The following GRID2 variants were observed in gnomAD, a reference collection of about 807,000 sequenced individuals.
GRID2 encodes the protein glutamate ionotropic receptor delta type subunit 2.
GRID2 carries 33 observed loss-of-function variants against 114.8 expected under a neutral mutation model. That is an observed-to-expected ratio of 0.29 (90% CI 0.22 to 0.38). The LOEUF is 0.38. Ranked by LOEUF, GRID2 falls within the 10% of genes least tolerant of loss-of-function variation. GRID2 has a pLI of 1.00. For synonymous variants in GRID2, 505 were observed against 449.9 expected (o/e 1.12, Z -1.55); for missense variants, 1,184 against 1,257.7 (o/e 0.94, Z 0.89).
downstream of GRID2, among the ~76,000 whole-genome samples, chr4:93,774,900 A>C (rs1734331182): frequency 6.6e-6 from 1 of 152,146 alleles, no homozygotes; most frequent in South Asian, 2.1e-4. Context: ...AGGGTGTGTT[A>C]CATCAAAAAA....
chr4:93,761,213 A>T (rs942019362), intron 14 of GRID2, among the ~76,000 whole-genome samples: 15 of 152,182 alleles, frequency 9.9e-5, no homozygotes, highest in Admixed American at 9.8e-4. Context: ...TTAATACACT[A>T]TTGAAAGAGC....
chr4:93,484,342 T>C (rs1238691031), intron 11 of GRID2, among the ~76,000 whole-genome samples: 1 of 151,946 alleles, frequency 6.6e-6, no homozygotes, highest in Non-Finnish European at 1.5e-5. Context: ...TGAACAATTA[T>C]TATACAGTGT....
intron 1 of GRID2, among the ~76,000 whole-genome samples, chr4:92,503,101 G>A (rs1369051132): frequency 6.6e-6 from 1 of 152,056 alleles, no homozygotes; most frequent in East Asian, 1.9e-4. Context: ...ACAGTTTTAT[G>A]TAAACGCTTT....
At chr4:92,865,112 G>T (rs751724840) in intron 2 of GRID2, among the ~76,000 whole-genome samples, 11 of 152,128 alleles carry the variant, frequency 7.2e-5, no homozygotes, top group Admixed American at 2.6e-4. Context: ...GAGGTTTGAG[G>T]TTCCCTGACA....
intron 14 of GRID2, among the ~76,000 whole-genome samples, chr4:93,635,310 C>T (rs1403836793): frequency 6.6e-6 from 1 of 150,724 alleles, no homozygotes; most frequent in African/African-American, 2.4e-5. Flanking sequence ...GAAAGGAGAA[C>T]ATTTGAAGAG....
chr4:93,769,540 G>C (rs1358464506), intron 15 of GRID2, 90 bp downstream of exon 15: 1 of 1,244,614 alleles, frequency 8.0e-7, no homozygotes, highest in East Asian at 2.3e-5. Flanking sequence ...AATGGGTTGG[G>C]GGTGGTCCTT....
intron 1 of GRID2, among the ~76,000 whole-genome samples, chr4:92,338,195 T>C (rs995118092): frequency 2.0e-5 from 3 of 152,142 alleles, no homozygotes; most frequent in African/African-American, 7.2e-5. Flanking sequence ...GCTGAGCATG[T>C]TTTAGAGAAA....
intron 2 of GRID2, among the ~76,000 whole-genome samples, chr4:92,637,912 T>C (rs1337174088): frequency 6.6e-6 from 1 of 151,880 alleles, no homozygotes; most frequent in African/African-American, 2.4e-5. Context: ...CCAGCTAGGG[T>C]AATGTGGGGA....
chr4:93,258,400 T>G (rs2149544301), intron 8 of GRID2, among the ~76,000 whole-genome samples: 1 of 151,762 alleles, frequency 6.6e-6, no homozygotes, highest in South Asian at 2.1e-4. Context: ...CCCAAAAAGC[T>G]AATGAAAATT....
intron 1 of GRID2, among the ~76,000 whole-genome samples, chr4:92,365,033 C>T (rs960615985): frequency 6.6e-6 from 1 of 151,918 alleles, no homozygotes; most frequent in Non-Finnish European, 1.5e-5. Context: ...AAATCTACTA[C>T]ATTGTTGGTG....
At chr4:92,946,573 GTAC>G (rs1751647538) in intron 2 of GRID2, among the ~76,000 whole-genome samples, 1 of 151,924 alleles carries the variant, frequency 6.6e-6, no homozygotes, top group African/African-American at 2.4e-5. Context: ...GGCTTTGTTT[GTAC>G]TACTATGCAA....
intron 2 of GRID2, among the ~76,000 whole-genome samples, chr4:92,767,724 C>A (rs1048714217): frequency 6.6e-6 from 1 of 151,986 alleles, no homozygotes; most frequent in Admixed American, 6.6e-5. Flanking sequence ...GCACTCCAGT[C>A]TGGGCGACAG....
At chr4:93,706,437 G>C (rs188858177) in intron 14 of GRID2, among the ~76,000 whole-genome samples, 60 of 151,920 alleles carry the variant, frequency 3.9e-4, no homozygotes, top group African/African-American at 1.1e-3. Flanking sequence ...TCACTTCTTT[G>C]ATTGAGTTTA....
At chr4:93,462,837 A>G (rs139611345) in intron 11 of GRID2, among the ~76,000 whole-genome samples, 14 of 152,324 alleles carry the variant, frequency 9.2e-5, no homozygotes, top group African/African-American at 3.4e-4. Context: ...ATTGTTACCT[A>G]ATATTTCACA....
At position 93,543,271 on chromosome 4, in the gene GRID2, G is replaced by A. The variant is rs59252324; in HGVS notation, c.2193+27860G>A. Among the ~76,000 whole-genome samples, 1,010 of 152,104 alleles carry A rather than the reference G, an allele frequency of 6.6e-3. 12 individuals are homozygous for A. Among genetic ancestry groups the A allele is most frequent in the African/African-American group, 0.023 (951 of 41,498 alleles). ...AAGTAATCTGTAGCTTTGGTATAAG[G>A]GGAAAGAAAGGAGAGAAAAAAAATA... On this transcript the variant is annotated intron_variant, in intron 13 of 15. Coordinates refer to ENST00000282020, the MANE Select transcript of GRID2 (RefSeq NM_001510.4).
At chr4:92,465,348 T>C (rs555726986) in intron 1 of GRID2, among the ~76,000 whole-genome samples, 1 of 152,130 alleles carries the variant, frequency 6.6e-6, no homozygotes, top group East Asian at 1.9e-4. Context: ...ACATTCATAA[T>C]TGAATTCATT....
chr4:92,567,570 A>T (rs910685162), intron 1 of GRID2, among the ~76,000 whole-genome samples: 1 of 152,054 alleles, frequency 6.6e-6, no homozygotes, highest in Non-Finnish European at 1.5e-5. Flanking sequence ...TCATCGGGAA[A>T]ATAGGATGCT....
intron 1 of GRID2, among the ~76,000 whole-genome samples, chr4:92,427,347 G>A: frequency 6.6e-6 from 1 of 152,070 alleles, no homozygotes; most frequent in East Asian, 1.9e-4. Context: ...ATAAATGAAG[G>A]GGTTGGGATA....
intron 4 of GRID2, among the ~76,000 whole-genome samples, chr4:93,176,862 A>G (rs1274474095): frequency 5.9e-5 from 9 of 152,286 alleles, no homozygotes; most frequent in East Asian, 3.9e-4. Flanking sequence ...ATACACAACA[A>G]TGTTTGTCTT....
Sources: gnomAD v4.1 joint callset for allele counts (sites outside exome capture counted in the v4.1 genomes callset) on GRCh38, gnomAD v4.1.1 for gene constraint, MANE v1.5 for transcripts, NCBI Gene and HGNC (gene_info 2026-07-23, HGNC 2026-07-21) for gene names.